TTC34: variants seen among roughly 807,000 people sequenced by gnomAD.
The protein encoded by TTC34 is tetratricopeptide repeat domain 34, also known as tetratricopeptide repeat protein 34.
A neutral mutation model predicts 40.7 loss-of-function variants in TTC34; 44 were observed. That is an observed-to-expected ratio of 1.08 (90% CI 0.85 to 1.39). The LOEUF is 1.39. TTC34 is among the 40% of genes most tolerant of loss of function. The probability of loss-of-function intolerance (pLI) is 0.00; values close to 1 mark genes in which losing one functional copy is unlikely to be tolerated. For synonymous variants in TTC34, 422 were observed against 398.6 expected, an observed-to-expected ratio of 1.06 and a Z score of -0.70; for missense variants, 884 against 838.0, an observed-to-expected ratio of 1.05 and a Z score of -0.68.
At chr1:2,657,305 A>T in intron 6 of TTC34, among the ~76,000 whole-genome samples, 1 of 122,178 alleles carries the variant, frequency 8.2e-6, no homozygotes, top group Non-Finnish European at 1.9e-5. Context: ...CCAAACACCC[A>T]GGTGAGCATC....
At chr1:2,683,390 A>C (rs1219738040) in intron 6 of TTC34, among the ~76,000 whole-genome samples, 1 of 127,088 alleles carries the variant, frequency 7.9e-6, no homozygotes, top group Non-Finnish European at 1.6e-5. Flanking sequence ...CAGCACCCAC[A>C]CGCCCAGGTG....
chr1:2,686,724 C>A (rs1640369976), intron 6 of TTC34, among the ~76,000 whole-genome samples: 4 of 146,282 alleles, frequency 2.7e-5, no homozygotes, highest in South Asian at 4.3e-4. Context: ...CACACACACC[C>A]CCAGGCGAGC....
At chr1:2,753,872 C>G (rs1641412962) in intron 6 of TTC34, among the ~76,000 whole-genome samples, 2 of 62,570 alleles carry the variant, frequency 3.2e-5, no homozygotes, top group Non-Finnish European at 5.1e-5. Context: ...GGGCGAGCAT[C>G]TGACAGCCTG....
chr1:2,699,484 G>C (rs1641027921), intron 6 of TTC34, among the ~76,000 whole-genome samples: 1 of 120,098 alleles, frequency 8.3e-6, no homozygotes, highest in Admixed American at 9.6e-5. Flanking sequence ...GCCTGGAGCA[G>C]CACCCACACA....
chr1:2,769,642 C>A (rs1282174929), intron 6 of TTC34, among the ~76,000 whole-genome samples: 4 of 131,270 alleles, frequency 3.0e-5, no homozygotes, highest in East Asian at 2.5e-4. Context: ...CCCAGGTGAG[C>A]ATCTGACAGC....
intron 6 of TTC34, among the ~76,000 whole-genome samples, chr1:2,652,217 C>T (rs796769920): frequency 3.0e-4 from 10 of 32,830 alleles, no homozygotes; most frequent in South Asian, 1.4e-3. Flanking sequence ...CCCAAGTGAG[C>T]ATCTGACGGC....
intron 6 of TTC34, among the ~76,000 whole-genome samples, chr1:2,685,159 C>A (rs554597525): frequency 6.4e-5 from 9 of 140,790 alleles, no homozygotes; most frequent in South Asian, 2.2e-4. Context: ...GCACCCACAA[C>A]CCCACGTGAG....
intron 6 of TTC34, among the ~76,000 whole-genome samples, chr1:2,685,645 G>C (rs1640300005): frequency 1.4e-5 from 2 of 143,158 alleles, no homozygotes; most frequent in Non-Finnish European, 3.0e-5. Context: ...ACACCCTCAG[G>C]TGAGCATCTG....
intron 6 of TTC34, among the ~76,000 whole-genome samples, chr1:2,752,465 C>A (rs1641354468): frequency 2.8e-5 from 3 of 106,356 alleles, no homozygotes; most frequent in Admixed American, 9.7e-5. Flanking sequence ...CAGGTGCGCA[C>A]GTGACAGCCT....
chr1:2,687,506 T>G (rs1162416130), intron 6 of TTC34, among the ~76,000 whole-genome samples: 69 of 73,182 alleles, frequency 9.4e-4, no homozygotes, highest in African/African-American at 1.6e-3. Flanking sequence ...GCATCTGACA[T>G]CCTTGAGCAG....
chr1:2,781,420 C>T (rs1299642703), intron 6 of TTC34, among the ~76,000 whole-genome samples: 1 of 151,982 alleles, frequency 6.6e-6, no homozygotes, highest in Non-Finnish European at 1.5e-5. Context: ...TTAGTTCTAA[C>T]AATTTTTTTT....
chr1:2,748,472 ACC>A, intron 6 of TTC34, among the ~76,000 whole-genome samples: 1 of 1,964 alleles, frequency 5.1e-4, no homozygotes, highest in African/African-American at 1.5e-3. Flanking sequence ...CTGGAAGAGC[ACC>A]CCACATCCCC....
chr1:2,783,639 C>G, exon 6 of TTC34: 1 of 1,464,252 alleles, frequency 6.8e-7, no homozygotes, highest in Non-Finnish European at 9.1e-7. Flanking sequence ...GGTGCACCAA[C>G]GCCCGTCCAC....
chr1:2,797,985 C>T (rs1295205247), intron 2 of TTC34, among the ~76,000 whole-genome samples: 2 of 152,112 alleles, frequency 1.3e-5, no homozygotes, highest in East Asian at 1.9e-4. Context: ...CTCTCCTGAA[C>T]CATTGTCCCA....
chr1:2,691,608 G>T (rs140108877), intron 6 of TTC34, among the ~76,000 whole-genome samples: 1,652 of 43,326 alleles, frequency 0.038, 1 homozygote, highest in Middle Eastern at 0.12. Context: ...TGACAGCCTG[G>T]AACAGCACCC....
chr1:2,750,690 C>A (rs1487090066), intron 6 of TTC34, among the ~76,000 whole-genome samples: 21 of 8,606 alleles, frequency 2.4e-3, no homozygotes, highest in African/African-American at 5.8e-3. Flanking sequence ...CCTGCACCCC[C>A]AAGTGAGCAT....
intron 6 of TTC34, among the ~76,000 whole-genome samples, chr1:2,682,903 C>CACTGCACACCCAGGTGAGCATCTGACAG (rs1640140409): frequency 4.2e-5 from 4 of 95,370 alleles, no homozygotes; most frequent in East Asian, 3.5e-4. Context: ...TGGAACAGCA[C>CACTGCACACCCAGGTGAGCATCTGACAG]CCTGCACCCC....
intron 6 of TTC34, among the ~76,000 whole-genome samples, chr1:2,694,775 T>G (rs1402664329): frequency 1.2e-5 from 1 of 84,600 alleles, no homozygotes; most frequent in Non-Finnish European, 2.9e-5. Flanking sequence ...TCCGACAGCC[T>G]GGAGCAGCAC....
intron 6 of TTC34, among the ~76,000 whole-genome samples, chr1:2,683,954 C>G (rs1409535220): frequency 7.2e-6 from 1 of 138,794 alleles, no homozygotes; most frequent in African/African-American, 3.0e-5. Context: ...GTACCCACAC[C>G]CACAGTTGAG....
Sources: gnomAD v4.1 joint callset for allele counts (sites outside exome capture counted in the v4.1 genomes callset) on GRCh38, gnomAD v4.1.1 for gene constraint, MANE v1.5 for transcripts, NCBI Gene and HGNC (gene_info 2026-07-23, HGNC 2026-07-21) for gene names.